The following CACNB4 variants were observed in gnomAD, a reference collection of about 807,000 sequenced individuals.
CACNB4 encodes the protein voltage-dependent L-type calcium channel subunit beta-4.
A neutral mutation model predicts 71.2 loss-of-function variants in CACNB4; 32 were observed. That is an observed-to-expected ratio of 0.45 (90% CI 0.34 to 0.60). The LOEUF (loss-of-function observed/expected upper bound fraction) is 0.60. CACNB4 is among the 20% of genes least tolerant of loss of function. CACNB4 has a pLI of 0.01. For missense variants in CACNB4, 464 were observed against 647.9 expected (o/e 0.72, Z 3.08); for synonymous variants, 231 against 236.9 (o/e 0.97, Z 0.23).
chr2:151,973,704 T>C lies in CACNB4; in HGVS notation c.148-90334A>G, dbSNP rs966569657. On this transcript the variant is annotated intron_variant, in intron 2 of 13. Coordinates refer to ENST00000539935, the MANE Select transcript of CACNB4 (RefSeq NM_000726.5). ...TCTTCAATTCCATGCAGGTACAAAT[T>C]GTCATACATGGAGGTGTGATAATCC... 2.5e-6 allele frequency: 4 copies of C among 1,613,448 alleles called. No homozygotes were observed. The African/African-American group carries it at 5.3e-5, about 22-fold the overall frequency.
At chr2:151,999,054 T>C (rs1297483763) in intron 2 of CACNB4, among the ~76,000 whole-genome samples, 1 of 152,234 alleles carries the variant, frequency 6.6e-6, no homozygotes, top group Non-Finnish European at 1.5e-5. Context: ...CTTGCAGCTT[T>C]AGCCTGAGAA....
At chr2:152,069,999 C>A (rs9712147) in intron 2 of CACNB4, among the ~76,000 whole-genome samples, 50,883 of 151,570 alleles carry the variant, frequency 0.34, 9,485 homozygotes, top group East Asian at 0.81. Flanking sequence ...CCCGCCACTA[C>A]GCCTGGCTAA....
chr2:151,998,454 T>C (rs770746824), intron 2 of CACNB4, among the ~76,000 whole-genome samples: 11 of 152,178 alleles, frequency 7.2e-5, no homozygotes, highest in African/African-American at 2.4e-4. Flanking sequence ...ACATGTTACC[T>C]GAATGAACTT....
At chr2:151,919,846 A>C (rs1426107659) in intron 2 of CACNB4, among the ~76,000 whole-genome samples, 6 of 151,798 alleles carry the variant, frequency 4.0e-5, no homozygotes. Flanking sequence ...GAAAACAAAC[A>C]AACAAACAAC....
At chr2:151,872,557 T>C in intron 5 of CACNB4, 64 bp from the exon 6 acceptor site, 1 of 880,486 alleles carries the variant, frequency 1.1e-6, no homozygotes. Context: ...AACTTGAGAG[T>C]ACAAAGCTTT....
At chr2:152,005,802 C>A (rs1387748093) in intron 2 of CACNB4, among the ~76,000 whole-genome samples, 1 of 152,192 alleles carries the variant, frequency 6.6e-6, no homozygotes, top group African/African-American at 2.4e-5. Context: ...CTGTCACAAC[C>A]ATTTCGGGCA....
At chr2:151,952,800 G>A (rs1339987206) in intron 2 of CACNB4, among the ~76,000 whole-genome samples, 5 of 152,156 alleles carry the variant, frequency 3.3e-5, no homozygotes, top group Non-Finnish European at 7.4e-5. Context: ...ATTGATTCAC[G>A]TTCTGGCACC....
At chr2:152,069,840 T>C (rs2105366528) in intron 2 of CACNB4, among the ~76,000 whole-genome samples, 1 of 143,370 alleles carries the variant, frequency 7.0e-6, no homozygotes, top group South Asian at 2.3e-4. Context: ...CATCAATCTT[T>C]TTTTTTTTTT....
intron 2 of CACNB4, among the ~76,000 whole-genome samples, chr2:152,055,923 C>T (rs1231750872): frequency 3.3e-5 from 5 of 152,152 alleles, no homozygotes; most frequent in African/African-American, 9.7e-5. Context: ...TATCCTCACT[C>T]GCCTGTTACT....
chr2:151,938,739 C>A (rs528591981), intron 2 of CACNB4, among the ~76,000 whole-genome samples: 7 of 152,322 alleles, frequency 4.6e-5, no homozygotes, highest in Non-Finnish European at 7.4e-5. Context: ...ACCCCCAATA[C>A]ACAAAAATAA....
At chr2:151,883,987 C>T (rs2151455058) in intron 2 of CACNB4, 1 of 166,314 alleles carries the variant, frequency 6.0e-6, no homozygotes, top group African/African-American at 2.4e-5. Context: ...CAGTTGAAGC[C>T]CACACTAGAA....
intron 2 of CACNB4, among the ~76,000 whole-genome samples, chr2:152,048,134 G>A (rs1685230856): frequency 6.6e-6 from 1 of 152,010 alleles, no homozygotes; most frequent in Non-Finnish European, 1.5e-5. Context: ...TGTTATGGTG[G>A]GCTGTCTGTG....
intron 2 of CACNB4, among the ~76,000 whole-genome samples, chr2:151,885,605 T>C (rs1216352180): frequency 2.0e-5 from 3 of 152,206 alleles, no homozygotes; most frequent in Non-Finnish European, 2.9e-5. Context: ...CAATAACCCA[T>C]CTTGAAATGT....
chr2:152,009,083 T>C lies in CACNB4; in HGVS notation c.147+89247A>G, dbSNP rs368079141. On this transcript the variant is annotated intron_variant, in intron 2 of 13. Coordinates refer to ENST00000539935, the MANE Select transcript of CACNB4 (RefSeq NM_000726.5). Reference sequence around the variant, plus strand: ...GCTCACACCTTTAATCCCAGCACTTTGGGAGGCTGAGGTGGGAGGATCGCT... The same window carrying C: ...GCTCACACCTTTAATCCCAGCACTTCGGGAGGCTGAGGTGGGAGGATCGCT... 1.4e-4 allele frequency among the ~76,000 whole-genome samples: 21 copies of C among 151,602 alleles called. No individual in the cohort carries two copies. The East Asian group carries it at 3.9e-3, about 28-fold the overall frequency.
intron 2 of CACNB4, among the ~76,000 whole-genome samples, chr2:151,941,546 T>C (rs2099864258): frequency 6.6e-6 from 1 of 151,742 alleles, no homozygotes; most frequent in African/African-American, 2.4e-5. Context: ...CCTCCCAAAG[T>C]GCTGGGATTA....
chr2:151,902,322 C>T (rs2099853666), intron 2 of CACNB4, among the ~76,000 whole-genome samples: 1 of 152,180 alleles, frequency 6.6e-6, no homozygotes, highest in Admixed American at 6.5e-5. Context: ...TGAGCCAGTG[C>T]ACTCAGACTT....
chr2:152,098,130 C>T lies in CACNB4; in HGVS notation c.147+200G>A, dbSNP rs995771869. Among the ~76,000 whole-genome samples the T allele has an allele frequency of 2.6e-5, 4 of 152,228 alleles. No homozygotes were observed. The highest frequency in any genetic ancestry group is 4.4e-5 in the Non-Finnish European group (3 of 68,032). On this transcript the variant is annotated intron_variant, in intron 2 of 13. Transcript: ENST00000539935. This position sits in a 1 kb window ranked among gnomAD's most constrained non-coding sequence, Gnocchi z 5.3. ...CACAAACTAACTTCCCGGGGCGGTG[C>T]GGAGACGCCGGGACGCGAAGACGTC...
intron 2 of CACNB4, among the ~76,000 whole-genome samples, chr2:151,907,825 G>A (rs1266455514): frequency 1.3e-5 from 2 of 152,184 alleles, no homozygotes; most frequent in Non-Finnish European, 2.9e-5. Flanking sequence ...CTCTTCACTG[G>A]CTGTCATAGC....
At chr2:152,088,701 C>T (rs1687808072) in intron 2 of CACNB4, among the ~76,000 whole-genome samples, 1 of 152,230 alleles carries the variant, frequency 6.6e-6, no homozygotes, top group African/African-American at 2.4e-5. Context: ...ATAAGTTTTA[C>T]AGCCCTTACC....
Sources: gnomAD v4.1 joint callset for allele counts (sites outside exome capture counted in the v4.1 genomes callset) on GRCh38, gnomAD v4.1.1 for gene constraint, Gnocchi (gnomAD v3.1) non-coding constraint, MANE v1.5 for transcripts, NCBI Gene and HGNC (gene_info 2026-07-23, HGNC 2026-07-21) for gene names.